Variants in RBM10 observed in about 807,000 individuals in gnomAD.
The protein encoded by RBM10 is RNA binding motif protein 10.
RBM10 carries 1 observed loss-of-function variant against 84.9 expected under a neutral mutation model. The observed-to-expected ratio is 0.01, with a 90% CI of 0.00 to 0.06. The LOEUF (loss-of-function observed/expected upper bound fraction) is 0.06, where lower values mean the gene tolerates loss of function less well. Among genes scored for constraint, RBM10 ranks in the 10% least tolerant of loss-of-function variants. The probability of loss-of-function intolerance (pLI) is 1.00; values close to 1 mark genes in which losing one functional copy is unlikely to be tolerated. For missense variants in RBM10, 438 were observed against 839.0 expected (o/e 0.52, Z 5.90); for synonymous variants, 326 against 344.5 (o/e 0.95, Z 0.60).
At position 47,185,808 on chromosome X, in the gene RBM10, C is replaced by T. The variant is rs1470900586; in HGVS notation, c.2430+18C>T. 1 of 1,207,076 alleles carries T rather than the reference C, an allele frequency of 8.3e-7. No individual in the cohort carries two copies. The highest frequency in any genetic ancestry group is 3.0e-5 in the East Asian group (1 of 33,783). On this transcript the variant is annotated intron_variant, in intron 21 of 23. Coordinates refer to ENST00000377604, the MANE Select transcript of RBM10 (RefSeq NM_005676.5). ...ACATGGAGGTGAGGTGTGACCTGAC[C>T]CTGGGCTCCCTCCCCTGTGTCCCTT...
intron 7 of RBM10, among the ~76,000 whole-genome samples, chrX:47,177,155 C>T (rs1291243134): frequency 8.9e-6 from 1 of 112,298 alleles, no homozygotes; most frequent in African/African-American, 3.2e-5. Context: ...TTAACACAGT[C>T]GAATTGTTAA....
chrX:47,173,861 T>A (rs1934863662), intron 5 of RBM10, among the ~76,000 whole-genome samples: 1 of 104,836 alleles, frequency 9.5e-6, no homozygotes, highest in African/African-American at 3.5e-5. Context: ...TCTCTCTCCA[T>A]CTCTCAGTCT....
rs1323526351 is a variant in RBM10 at position 47,169,467 on chromosome X, A to G, written c.170A>G (p.Tyr57Cys). The change falls in exon 3 of 24, where the codon TAT becomes TGT. Residue 57 changes from tyrosine (Y) to cysteine (C), a missense_variant. Physicochemically the swap from Tyr to Cys is radical, Grantham distance 194. Transcript: ENST00000377604. The part of the protein sequence containing the change: ...EYGSQEGKHD[Y>C]DDSSEEQSAE... Reference sequence around the variant, plus strand: ...GGCAGCCAGGAGGGCAAGCATGACTATGACGACTCATCTGAGGAGCAGAGT... The same window carrying G: ...GGCAGCCAGGAGGGCAAGCATGACTGTGACGACTCATCTGAGGAGCAGAGT... 5.0e-6 allele frequency: 6 copies of G among 1,209,575 alleles called. No individual in the cohort carries two copies. Among genetic ancestry groups the G allele is most frequent in the African/African-American group, 1.7e-5 (1 of 57,486 alleles).
At chrX:47,178,694 C>T (rs782633645) in intron 7 of RBM10, among the ~76,000 whole-genome samples, 2 of 112,079 alleles carry the variant, frequency 1.8e-5, no homozygotes, top group Non-Finnish European at 3.8e-5. Flanking sequence ...GGGTGCGGGT[C>T]TGGCTACTGA....
chrX:47,160,587 T>TA (rs59952208), intron 2 of RBM10, among the ~76,000 whole-genome samples: 10,646 of 99,766 alleles, frequency 0.11, 596 homozygotes, highest in Admixed American at 0.28. Flanking sequence ...TATTAAAAAG[T>TA]AAAAAAAAAA....
intron 2 of RBM10, among the ~76,000 whole-genome samples, chrX:47,151,115 G>A (rs1932779736): frequency 9.3e-6 from 1 of 107,009 alleles, no homozygotes; most frequent in Non-Finnish European, 1.9e-5. Context: ...AGGCTGGAGT[G>A]CAGTGGCGAC....
intron 3 of RBM10, among the ~76,000 whole-genome samples, chrX:47,170,120 T>C (rs1285452956): frequency 8.8e-6 from 1 of 113,405 alleles, no homozygotes; most frequent in Admixed American, 9.2e-5. Context: ...ACCTGGTCCA[T>C]GCGAGCAGGC....
chrX:47,152,057 A>G (rs1932808540), intron 2 of RBM10, among the ~76,000 whole-genome samples: 1 of 111,045 alleles, frequency 9.0e-6, no homozygotes, highest in Non-Finnish European at 1.9e-5. Context: ...ACTAAAAATA[A>G]AAAAATCAGC....
Position 47,145,446 on chromosome X carries a change from G to C in RBM10, c.-165G>C. On this transcript the variant is annotated 5_prime_UTR_variant, in exon 1 of 24. Transcript: ENST00000377604. Reference sequence around the variant, plus strand: ...GGAGGAGGTGGCGGCGGGCAGAGGTGATGTCTGGGAGCCCTTCCTTGACAG... The same window carrying C: ...GGAGGAGGTGGCGGCGGGCAGAGGTCATGTCTGGGAGCCCTTCCTTGACAG... 2 of 1,154,589 alleles carry C rather than the reference G, an allele frequency of 1.7e-6. No individual in the cohort carries two copies. Among genetic ancestry groups the C allele is most frequent in the East Asian group, 6.5e-5 (2 of 30,717 alleles).
chrX:47,180,171 C>T (rs1444590850), intron 10 of RBM10, 41 bp from the exon 11 acceptor site: 2 of 1,174,582 alleles, frequency 1.7e-6, no homozygotes, highest in South Asian at 1.8e-5. Context: ...GGGGCCTCCC[C>T]GGGCCTGACC....
chrX:47,181,490 C>T lies in RBM10; in HGVS notation c.1436-17C>T, dbSNP rs782475803. ...CATTATTCACAGGCATTGTCCCTGC[C>T]CTGTCCCTCCTTACAGGTCCCGAGG... On this transcript the variant is annotated splice_polypyrimidine_tract_variant and intron_variant, in intron 13 of 23. Transcript: ENST00000377604. The T allele has an allele frequency of 8.3e-7, 1 of 1,211,632 alleles. No individual in the cohort carries two copies. Among genetic ancestry groups the T allele is most frequent in the East Asian group, 3.0e-5 (1 of 33,805 alleles).
At position 47,181,328 on chromosome X, in the gene RBM10, C is replaced by T. The variant is rs782467694; in HGVS notation, c.1362C>T (p.Leu454=). 2 of 1,195,361 alleles carry T rather than the reference C, an allele frequency of 1.7e-6. No homozygotes were observed. Among genetic ancestry groups the T allele is most frequent in the African/African-American group, 3.5e-5 (2 of 56,891 alleles). Reference sequence around the variant, plus strand: ...ACAGCCAGGGCACAGAGTCTTCCCTCTATGCCCATGGCTACCTCAAGGGCA... The same window carrying T: ...ACAGCCAGGGCACAGAGTCTTCCCTTTATGCCCATGGCTACCTCAAGGGCA... ...YGNSQGTESS[L]YAHGYLKGTK... is the part of the protein sequence containing the mutation. Residue 454 remains leucine, a synonymous_variant, in exon 13 of 24, where the codon CTC becomes CTT. Coordinates refer to ENST00000377604, the MANE Select transcript of RBM10 (RefSeq NM_005676.5).
intron 2 of RBM10, among the ~76,000 whole-genome samples, chrX:47,163,098 A>G (rs1295805694): frequency 9.0e-6 from 1 of 110,826 alleles, no homozygotes; most frequent in Non-Finnish European, 1.9e-5. Flanking sequence ...TAATCATGAG[A>G]ACACATCAAA....
At chrX:47,178,391 G>A (rs966696625) in intron 7 of RBM10, among the ~76,000 whole-genome samples, 11 of 111,189 alleles carry the variant, frequency 9.9e-5, no homozygotes, top group African/African-American at 3.6e-4. Flanking sequence ...TGTCCCTGCC[G>A]AGTAAATGGC....
At chrX:47,151,657 G>A (rs1556763692) in intron 2 of RBM10, among the ~76,000 whole-genome samples, 1 of 111,927 alleles carries the variant, frequency 8.9e-6, no homozygotes, top group Non-Finnish European at 1.9e-5. Context: ...CATAAAGGCA[G>A]TCTGCAGAAG....
intron 9 of RBM10, 180 bp from the exon 10 acceptor site, chrX:47,179,700 C>T (rs1569192397): frequency 1.7e-5 from 13 of 785,432 alleles, no homozygotes; most frequent in Middle Eastern, 6.7e-4. Context: ...AGCAGACAGG[C>T]AGCCAGGCTG....
At chrX:47,154,618 AT>A (rs1203610011) in intron 2 of RBM10, among the ~76,000 whole-genome samples, 1 of 108,762 alleles carries the variant, frequency 9.2e-6, no homozygotes, top group Non-Finnish European at 1.9e-5. Flanking sequence ...CACCCGGCTA[AT>A]TTTTGTATTT....
At chrX:47,173,890 TC>T (rs1934875772) in intron 5 of RBM10, among the ~76,000 whole-genome samples, 1 of 5,205 alleles carries the variant, frequency 1.9e-4, no homozygotes, top group Non-Finnish European at 4.4e-4. Context: ...CACACCTCCA[TC>T]TCTCTCTCTC....
chrX:47,150,102 G>A (rs1287718636), intron 2 of RBM10, among the ~76,000 whole-genome samples: 2 of 112,016 alleles, frequency 1.8e-5, no homozygotes, highest in African/African-American at 6.5e-5. Context: ...GATTACAGGC[G>A]TGAGCCACCG....
Sources: allele counts gnomAD v4.1 joint callset (sites outside exome capture counted in the v4.1 genomes callset), GRCh38; gene constraint gnomAD v4.1.1; transcripts MANE v1.5; gene names NCBI Gene and HGNC (gene_info 2026-07-23, HGNC 2026-07-21).